TRAPPC9: variants seen among roughly 807,000 people sequenced by gnomAD.
The protein encoded by TRAPPC9 is trafficking protein particle complex subunit 9, also known as IKK2 binding protein.
In TRAPPC9, 83 loss-of-function variants were observed where a neutral mutation model predicts 124.0. That is an observed-to-expected ratio of 0.67 (90% CI 0.56 to 0.80). The LOEUF is 0.80. Ranked by LOEUF, TRAPPC9 falls within the 30% of genes least tolerant of loss-of-function variation. The pLI is 0.00. For synonymous variants in TRAPPC9, 638 were observed against 617.5 expected, an observed-to-expected ratio of 1.03 and a Z score of -0.49; for missense variants, 1,302 against 1,508.3, an observed-to-expected ratio of 0.86 and a Z score of 2.27.
chr8:140,082,425 T>G (rs1843887153), intron 17 of TRAPPC9, among the ~76,000 whole-genome samples: 1 of 152,118 alleles, frequency 6.6e-6, no homozygotes, highest in Non-Finnish European at 1.5e-5. Context: ...CCCAGAAGCA[T>G]CAGCAGAAAG....
rs1329790446 is a variant in TRAPPC9 at position 139,804,384 on chromosome 8, AAAC to A, written c.3056-72185_3056-72183del. 8.7e-5 allele frequency among the ~76,000 whole-genome samples: 8 copies of A among 91,960 alleles called. No individual in the cohort carries two copies. In the East Asian group the frequency reaches 1.4e-3, roughly 17 times the overall value. The allele number at this position is 91,960 out of a possible 152,430, so 60.3% of individuals were successfully genotyped here. ...ACCACCACCACTCACCACCACCACCAAACACCACCACCACACACACAACCACCA... is the reference window on the plus strand; with the variant it reads ...ACCACCACCACTCACCACCACCACCAACCACCACCACACACACAACCACCA... On this transcript the variant is annotated intron_variant, in intron 21 of 22. Transcript: ENST00000438773.
intron 17 of TRAPPC9, among the ~76,000 whole-genome samples, chr8:140,126,134 TAG>T (rs201456575): frequency 0.011 from 1,703 of 152,068 alleles, 10 homozygotes; most frequent in Non-Finnish European, 0.013. Context: ...ACTTCTTCCT[TAG>T]TAAAGTTGAT....
intron 21 of TRAPPC9, among the ~76,000 whole-genome samples, chr8:139,767,939 G>A (rs1411574829): frequency 6.6e-6 from 1 of 152,220 alleles, no homozygotes; most frequent in African/African-American, 2.4e-5. Flanking sequence ...AACCTCACAA[G>A]TAGCAAACAG....
intron 15 of TRAPPC9, among the ~76,000 whole-genome samples, chr8:140,270,038 T>C (rs2064828373): frequency 6.6e-6 from 1 of 151,726 alleles, no homozygotes; most frequent in Non-Finnish European, 1.5e-5. Flanking sequence ...AGGCGGAGGT[T>C]GCAGCAAGCC....
At chr8:139,807,563 A>G (rs762750754) in intron 21 of TRAPPC9, among the ~76,000 whole-genome samples, 9 of 152,232 alleles carry the variant, frequency 5.9e-5, no homozygotes, top group African/African-American at 1.2e-4. Context: ...ACAGCACAGG[A>G]GCCGACAGGA....
At chr8:139,971,792 CATATATATAT>C (rs1168384406) in intron 19 of TRAPPC9, among the ~76,000 whole-genome samples, 344 of 15,638 alleles carry the variant, frequency 0.022, 4 homozygotes, top group Middle Eastern at 0.14. Context: ...CATATATACA[CATATATATAT>C]ACATATATAT....
At chr8:140,347,933 A>G (rs1167849146) in intron 9 of TRAPPC9, among the ~76,000 whole-genome samples, 1 of 152,184 alleles carries the variant, frequency 6.6e-6, no homozygotes, top group Non-Finnish European at 1.5e-5. Flanking sequence ...TCAATGTTCA[A>G]TGGGTGTCTT....
At chr8:139,834,570 G>A (rs908605119) in intron 21 of TRAPPC9, among the ~76,000 whole-genome samples, 1 of 152,240 alleles carries the variant, frequency 6.6e-6, no homozygotes, top group Non-Finnish European at 1.5e-5. Context: ...CCTCCATGAC[G>A]CTGAGTCCTC....
chr8:139,910,519 T>C (rs1480615549), intron 19 of TRAPPC9, among the ~76,000 whole-genome samples: 1 of 152,204 alleles, frequency 6.6e-6, no homozygotes, highest in Non-Finnish European at 1.5e-5. Flanking sequence ...GACACAGTCA[T>C]TGCTTCAAAC....
At chr8:139,840,713 C>T (rs1826670623) in intron 21 of TRAPPC9, among the ~76,000 whole-genome samples, 1 of 152,176 alleles carries the variant, frequency 6.6e-6, no homozygotes, top group Admixed American at 6.5e-5. Flanking sequence ...CACACTCTCA[C>T]AGTCTTTACT....
At chr8:139,917,167 C>CTTTTTTTTATTTTTTTTTTTTT (rs1832196032) in intron 19 of TRAPPC9, among the ~76,000 whole-genome samples, 1 of 99,926 alleles carries the variant, frequency 1.0e-5, no homozygotes, top group African/African-American at 4.3e-5. Flanking sequence ...TTATTATTTT[C>CTTTTTTTTATTTTTTTTTTTTT]TTTTTTTTTT....
chr8:139,996,786 T>G (rs548037055), intron 18 of TRAPPC9, among the ~76,000 whole-genome samples: 1 of 152,300 alleles, frequency 6.6e-6, no homozygotes, highest in Non-Finnish European at 1.5e-5. Context: ...GTCACCCAGG[T>G]TGGAGTGCAA....
Position 140,275,648 on chromosome 8 carries a change from C to G in TRAPPC9, c.2278+10G>C. 2 of 1,613,844 alleles carry G rather than the reference C, an allele frequency of 1.2e-6. No individual in the cohort carries two copies. The highest frequency in any genetic ancestry group is 1.7e-6 in the Non-Finnish European group (2 of 1,179,714). ...ACATTCCCAGGGTCAAAGCTGCTTA[C>G]AATACCTACCTTTAGTGGTGAGAAC... On this transcript the variant is annotated intron_variant, in intron 15 of 22. Coordinates refer to ENST00000438773, the MANE Select transcript of TRAPPC9 (RefSeq NM_001160372.4).
At chr8:140,275,427 G>T (rs1358177240) in intron 15 of TRAPPC9, among the ~76,000 whole-genome samples, 1 of 152,196 alleles carries the variant, frequency 6.6e-6, no homozygotes, top group African/African-American at 2.4e-5. Context: ...ACTGTCTTCT[G>T]CTGTGTGTCT....
chr8:140,302,470 T>C (rs563834335), intron 10 of TRAPPC9, among the ~76,000 whole-genome samples: 2 of 152,308 alleles, frequency 1.3e-5, no homozygotes, highest in African/African-American at 4.8e-5. Flanking sequence ...ACTTAGCCTA[T>C]GAAGCTGCCA....
At chr8:139,794,730 C>T (rs1822927017) in intron 21 of TRAPPC9, among the ~76,000 whole-genome samples, 1 of 152,182 alleles carries the variant, frequency 6.6e-6, no homozygotes, top group Non-Finnish European at 1.5e-5. Context: ...TGAGGCTATG[C>T]TGGTCCCTGC....
chr8:140,140,057 T>C (rs1203043834), intron 17 of TRAPPC9, among the ~76,000 whole-genome samples: 1 of 152,058 alleles, frequency 6.6e-6, no homozygotes, highest in African/African-American at 2.4e-5. Context: ...ACGGGGTGCT[T>C]GTGTGCAGTG....
chr8:140,165,605 A>C, intron 17 of TRAPPC9, among the ~76,000 whole-genome samples: 2 of 91,570 alleles, frequency 2.2e-5, no homozygotes, highest in East Asian at 3.8e-4. Context: ...AGGGAGGGGA[A>C]GGGGGCAAGG....
rs575768598 is a variant in TRAPPC9 at position 139,986,646 on chromosome 8, C to T, written c.2810+2080G>A. 3.9e-5 allele frequency among the ~76,000 whole-genome samples: 6 copies of T among 152,270 alleles called. No homozygotes were observed. The East Asian group carries it at 1.2e-3, about 29-fold the overall frequency. ...AAAGACTATTGTAGCTATCATGCCC[C>T]GACCCCAAACCCTCCAGTGTGCATA... On this transcript the variant is annotated intron_variant, in intron 19 of 22. Coordinates refer to ENST00000438773, the MANE Select transcript of TRAPPC9 (RefSeq NM_001160372.4).
Sources: allele counts gnomAD v4.1 joint callset (sites outside exome capture counted in the v4.1 genomes callset), GRCh38; gene constraint gnomAD v4.1.1; transcripts MANE v1.5; gene names NCBI Gene and HGNC (gene_info 2026-07-23, HGNC 2026-07-21).